PSD3: variants seen among roughly 807,000 people sequenced by gnomAD.
PSD3 encodes pleckstrin and Sec7 domain containing 3.
PSD3 carries 49 observed loss-of-function variants against 105.5 expected under a neutral mutation model. That is an observed-to-expected ratio of 0.46 (90% CI 0.37 to 0.59). The LOEUF (loss-of-function observed/expected upper bound fraction) is 0.59. Among genes scored for constraint, PSD3 ranks in the 20% least tolerant of loss-of-function variants. The probability of loss-of-function intolerance (pLI) is 0.00; values close to 1 mark genes in which losing one functional copy is unlikely to be tolerated. For synonymous variants in PSD3, 557 were observed against 457.8 expected (o/e 1.22, Z -2.77); for missense variants, 1,561 against 1,263.8 (o/e 1.24, Z -3.57).
At chr8:18,691,560 A>T (rs905036255) in intron 9 of PSD3, among the ~76,000 whole-genome samples, 2 of 152,260 alleles carry the variant, frequency 1.3e-5, no homozygotes, top group African/African-American at 4.8e-5. Flanking sequence ...AGCCCAAAGT[A>T]AACACAAAAT....
At chr8:18,815,980 C>T (rs1165490265) in intron 4 of PSD3, among the ~76,000 whole-genome samples, 3 of 152,096 alleles carry the variant, frequency 2.0e-5, no homozygotes, top group Non-Finnish European at 4.4e-5. Context: ...GGCAAGAATA[C>T]AAGGAGTAAG....
chr8:18,770,706 T>C (rs1160500021), intron 8 of PSD3, among the ~76,000 whole-genome samples: 2 of 152,172 alleles, frequency 1.3e-5, no homozygotes, highest in Admixed American at 6.5e-5. Context: ...GAGGAAGTGT[T>C]TGGGTGCTCT....
chr8:18,804,022 C>T (rs1242002981), intron 6 of PSD3, among the ~76,000 whole-genome samples: 2 of 152,104 alleles, frequency 1.3e-5, no homozygotes, highest in African/African-American at 2.4e-5. Flanking sequence ...GCTTTGCTAC[C>T]AATTGTTTAC....
chr8:18,997,460 C>T (rs1826141608), intron 1 of PSD3, among the ~76,000 whole-genome samples: 1 of 151,952 alleles, frequency 6.6e-6, no homozygotes, highest in Non-Finnish European at 1.5e-5. Context: ...AGCCTCCCAA[C>T]TGGTTTTCCT....
rs1446446950 is a variant in PSD3 at position 18,791,150 on chromosome 8, A to G, written c.2082+8145T>C. Among the ~76,000 whole-genome samples, 4 of 152,188 alleles carry G rather than the reference A, an allele frequency of 2.6e-5. No homozygotes were observed. In the East Asian group the frequency reaches 7.7e-4, roughly 29 times the overall value. ...TCAGTATCACGAAAATGGCCATACT[A>G]TCCAAAGCAATTTATAGATTCAATG... On this transcript the variant is annotated intron_variant, in intron 8 of 15. Coordinates refer to ENST00000327040, the MANE Select transcript of PSD3 (RefSeq NM_015310.4).
chr8:18,644,786 G>A (rs931752104), intron 10 of PSD3, among the ~76,000 whole-genome samples: 4 of 151,990 alleles, frequency 2.6e-5, no homozygotes, highest in South Asian at 2.1e-4. Flanking sequence ...CCTAATTCTC[G>A]GTACCAATCT....
rs186218637 is a variant in PSD3, at chr8:18,922,186, A to C, written c.130+13848T>G. ...TCAGTTCATACACCTGACAATGAAA[A>C]AACGGTTTGTTCAGGGATTCTGCAA... On this transcript the variant is annotated intron_variant, in intron 2 of 15. Coordinates refer to ENST00000327040, the MANE Select transcript of PSD3 (RefSeq NM_015310.4). Among the ~76,000 whole-genome samples the C allele has an allele frequency of 1.6e-4, 24 of 152,306 alleles. No individual in the cohort carries two copies. The East Asian group carries it at 4.3e-3, about 27-fold the overall frequency.
intron 15 of PSD3, among the ~76,000 whole-genome samples, chr8:18,552,934 C>T (rs1800860480): frequency 6.6e-6 from 1 of 152,014 alleles, no homozygotes; most frequent in African/African-American, 2.4e-5. Flanking sequence ...TGGAAGTTTC[C>T]TTGCTCTCTG....
intron 9 of PSD3, among the ~76,000 whole-genome samples, chr8:18,761,780 T>C (rs1214533043): frequency 1.3e-5 from 2 of 152,196 alleles, no homozygotes; most frequent in South Asian, 2.1e-4. Context: ...CCAAGGATGC[T>C]TGAATACAAA....
chr8:18,661,617 T>C (rs538166292), intron 9 of PSD3, among the ~76,000 whole-genome samples: 15 of 152,298 alleles, frequency 9.8e-5, no homozygotes, highest in African/African-American at 3.4e-4. Flanking sequence ...AATTGACTCT[T>C]TTTTTGCCCC....
intron 4 of PSD3, among the ~76,000 whole-genome samples, chr8:18,852,067 T>C (rs746210661): frequency 2.6e-5 from 4 of 152,184 alleles, no homozygotes; most frequent in Admixed American, 6.5e-5. Context: ...GTAAGACCTT[T>C]ATAAAGTATA....
chr8:18,684,076 C>G, intron 9 of PSD3: 1 of 592,480 alleles, frequency 1.7e-6, no homozygotes, highest in South Asian at 2.2e-5. Context: ...TAAGAAGCAC[C>G]AGGCTGCCTC....
rs1404839504 is a variant in PSD3 at position 18,608,770 on chromosome 8, G to A, written c.2411-8336C>T. 2.0e-5 allele frequency among the ~76,000 whole-genome samples: 3 copies of A among 151,672 alleles called. No individual in the cohort carries two copies. In the East Asian group the frequency reaches 5.8e-4, roughly 29 times the overall value. On this transcript the variant is annotated intron_variant, in intron 11 of 15. Coordinates refer to ENST00000327040, the MANE Select transcript of PSD3 (RefSeq NM_015310.4). Reference sequence around the variant, plus strand: ...GTAATAATGGATTTATGCCAGAAAAGTTTTTTTTTAATCCACCAAAAGGTA... The same window carrying A: ...GTAATAATGGATTTATGCCAGAAAAATTTTTTTTTAATCCACCAAAAGGTA...
intron 2 of PSD3, among the ~76,000 whole-genome samples, chr8:18,881,637 T>C (rs1206095778): frequency 1.3e-5 from 2 of 152,070 alleles, no homozygotes; most frequent in African/African-American, 4.8e-5. Flanking sequence ...GGCAGTCACA[T>C]CTATGCCTAG....
intron 1 of PSD3, among the ~76,000 whole-genome samples, chr8:19,082,530 T>G (rs566541263): frequency 6.6e-6 from 1 of 152,160 alleles, no homozygotes; most frequent in South Asian, 2.1e-4. Flanking sequence ...CCAGAAATCC[T>G]CCAACCTTTA....
chr8:18,874,220 G>A (rs1467020011), intron 2 of PSD3, among the ~76,000 whole-genome samples: 1 of 151,804 alleles, frequency 6.6e-6, no homozygotes. Flanking sequence ...GGAGTGTAGT[G>A]GTACGATCTC....
rs1413096454 is a variant in PSD3, at chr8:18,871,983, C to T, written c.881G>A (p.Gly294Asp). The change falls in exon 3 of 16, where the codon GGC becomes GAC. Residue 294 changes from glycine (G) to aspartate (D), a missense_variant. By Grantham distance (94) the Gly-to-Asp change is moderately conservative (BLOSUM62 -1). Coordinates refer to ENST00000327040, the MANE Select transcript of PSD3 (RefSeq NM_015310.4). The part of the protein sequence containing the change: ...CDRSSSMGRP[G>D]RVKHVEFQGV... ...TTGAAATTCCACATGTTTGACCCGG[C>T]CTGGGCGTCCCATGGAGCTGCTTCG... is the stretch of plus-strand genomic sequence containing the variant. 28 of 1,614,030 alleles carry T rather than the reference C, an allele frequency of 1.7e-5. No individual in the cohort carries two copies. Among genetic ancestry groups the T allele is most frequent in the Non-Finnish European group, 2.4e-5 (28 of 1,180,026 alleles).
At chr8:18,952,993 A>G (rs574100375) in intron 1 of PSD3, among the ~76,000 whole-genome samples, 2 of 152,352 alleles carry the variant, frequency 1.3e-5, no homozygotes, top group East Asian at 3.9e-4. Context: ...TGCAACATAT[A>G]TTTAAATATC....
chr8:18,607,696 CA>C, intron 11 of PSD3, among the ~76,000 whole-genome samples: 1 of 96,506 alleles, frequency 1.0e-5, no homozygotes, highest in African/African-American at 4.6e-5. Flanking sequence ...AAAAAAAAAA[CA>C]AAACAAAAAA....
Sources: allele counts gnomAD v4.1 joint callset (sites outside exome capture counted in the v4.1 genomes callset), GRCh38; gene constraint gnomAD v4.1.1; transcripts MANE v1.5; gene names NCBI Gene and HGNC (gene_info 2026-07-23, HGNC 2026-07-21).